Variants in DPP6 observed in about 807,000 individuals in gnomAD.
The protein encoded by DPP6 is A-type potassium channel modulatory protein DPP6.
DPP6 carries 69 observed loss-of-function variants against 122.6 expected under a neutral mutation model. The ratio of observed to expected loss-of-function variants is 0.56; its 90% CI spans 0.46 to 0.69. The LOEUF is 0.69. DPP6 is among the 30% of genes least tolerant of loss of function. The pLI is 0.00. For synonymous variants in DPP6, 418 were observed against 433.1 expected (o/e 0.97, Z 0.43); for missense variants, 928 against 1,116.9 (o/e 0.83, Z 2.41).
intron 1 of DPP6, among the ~76,000 whole-genome samples, chr7:154,230,008 T>A (rs896811283): frequency 2.0e-5 from 3 of 152,196 alleles, no homozygotes; most frequent in African/African-American, 4.8e-5. Context: ...ATAAAAAGAT[T>A]AGAGAAAAAA....
intron 1 of DPP6, among the ~76,000 whole-genome samples, chr7:154,394,181 T>A (rs1302737241): frequency 1.3e-5 from 2 of 152,178 alleles, no homozygotes; most frequent in African/African-American, 4.8e-5. Context: ...TGCCACAGCA[T>A]CTCTATCGTT....
the DPP6 span, among the ~76,000 whole-genome samples, chr7:153,808,829 G>T: frequency 6.6e-6 from 1 of 152,034 alleles, no homozygotes. Flanking sequence ...TGATTATTGT[G>T]AATAATAGTG....
chr7:154,011,655 G>A (rs1443576682), intron 1 of DPP6, among the ~76,000 whole-genome samples: 3 of 152,126 alleles, frequency 2.0e-5, no homozygotes, highest in African/African-American at 4.8e-5. Context: ...AGAAATATTT[G>A]TTTGGAAGCA....
rs1833430832 is a variant in DPP6 at position 154,602,140 on chromosome 7, T to G, written c.627+35224T>G. On this transcript the variant is annotated intron_variant, in intron 5 of 25. Transcript: ENST00000377770. ...TTCACTGTTGGATTAACAAGCTCTTTGTTTTACTTTTTAATGGTTGATCTA... is the reference window on the plus strand; with the variant it reads ...TTCACTGTTGGATTAACAAGCTCTTGGTTTTACTTTTTAATGGTTGATCTA... Among the ~76,000 whole-genome samples the G allele has an allele frequency of 3.3e-5, 4 of 120,984 alleles. 2 individuals are homozygous for G. The South Asian group carries it at 1.3e-3, about 40-fold the overall frequency. 79.4% of individuals were successfully genotyped at this position (120,984 alleles called of 152,430 possible).
chr7:154,630,993 T>C (rs1400762114), intron 5 of DPP6, among the ~76,000 whole-genome samples: 3 of 152,220 alleles, frequency 2.0e-5, no homozygotes, highest in African/African-American at 7.2e-5. Flanking sequence ...AAAAAGAATG[T>C]ATTTCATTTT....
At chr7:153,749,690 C>A in the DPP6 span, among the ~76,000 whole-genome samples, 5 of 152,184 alleles carry the variant, frequency 3.3e-5, no homozygotes, top group African/African-American at 1.2e-4. This position sits in a 1 kb window ranked among gnomAD's most constrained non-coding sequence, Gnocchi z 4.1. Context: ...CGCACGGATC[C>A]TGTGGGGCCC....
chr7:154,027,745 A>T (rs550729559), intron 1 of DPP6, among the ~76,000 whole-genome samples: 1 of 151,594 alleles, frequency 6.6e-6, no homozygotes, highest in Non-Finnish European at 1.5e-5. Context: ...GTTCTCGCTC[A>T]TCTGGGCAGG....
Position 154,275,917 on chromosome 7 carries a change from CAA to C in DPP6, c.244-170295_244-170294del, listed in dbSNP as rs1804098539. 2.6e-5 allele frequency among the ~76,000 whole-genome samples: 4 copies of C among 152,384 alleles called. 1 individual carries two copies. The South Asian group carries it at 8.3e-4, about 32-fold the overall frequency. On this transcript the variant is annotated intron_variant, in intron 1 of 25. Transcript: ENST00000377770. ...TGCACCAGCCCCTCCGGCTCCAAAT[CAA>C]ATAGCTCTGAATTCAGAATGCAATT...
At chr7:154,694,854 C>T (rs12719584) in intron 7 of DPP6, among the ~76,000 whole-genome samples, 20,075 of 152,030 alleles carry the variant, frequency 0.13, 1,418 homozygotes, top group African/African-American at 0.18. Flanking sequence ...ATGCTGTTGA[C>T]AAGGCTCTGG....
At chr7:154,243,066 TCATGTC>T (rs1194384791) in intron 1 of DPP6, among the ~76,000 whole-genome samples, 1 of 152,124 alleles carries the variant, frequency 6.6e-6, no homozygotes, top group East Asian at 1.9e-4. Flanking sequence ...TAGAATAAGT[TCATGTC>T]CATGAAAGGA....
chr7:154,431,534 CTTT>C lies in DPP6; in HGVS notation c.244-14665_244-14663del, dbSNP rs67861044. ...TCTTTTATTATTTCTTTCTTTCTTT[CTTT>C]TTTTTTTTTTTTTTGAGATGGAATC... On this transcript the variant is annotated intron_variant, in intron 1 of 25. Coordinates refer to ENST00000377770, the MANE Select transcript of DPP6 (RefSeq NM_130797.4). 8.4e-4 allele frequency among the ~76,000 whole-genome samples: 83 copies of C among 98,900 alleles called. 7 individuals carry two copies. Among genetic ancestry groups the C allele is most frequent in the Middle Eastern group, 9.5e-3 (2 of 210 alleles). The allele number at this position is 98,900 out of a possible 152,430, so 64.9% of individuals were successfully genotyped here.
chr7:154,308,292 G>GT (rs564362399), intron 1 of DPP6, among the ~76,000 whole-genome samples: 8 of 138,458 alleles, frequency 5.8e-5, no homozygotes, highest in East Asian at 2.0e-4. Context: ...AGAGATTGTT[G>GT]TTTTTTTTCT....
chr7:154,413,204 T>C (rs1816762761), intron 1 of DPP6, among the ~76,000 whole-genome samples: 1 of 152,226 alleles, frequency 6.6e-6, no homozygotes, highest in South Asian at 2.1e-4. Flanking sequence ...CTATCTTAAA[T>C]TCTTTTCCAG....
intron 1 of DPP6, among the ~76,000 whole-genome samples, chr7:154,219,870 A>G (rs1404340373): frequency 1.3e-5 from 2 of 152,098 alleles, no homozygotes; most frequent in African/African-American, 2.4e-5. Flanking sequence ...TGCAGTTGTG[A>G]GCCACTGTGC....
chr7:154,122,244 G>A lies in DPP6; in HGVS notation c.243+69181G>A, dbSNP rs555884498. Among the ~76,000 whole-genome samples, 5 of 152,270 alleles carry A rather than the reference G, an allele frequency of 3.3e-5. No individual in the cohort carries two copies. The South Asian group carries it at 1.0e-3, about 32-fold the overall frequency. ...GACGGATCACCACATCATCCCCTGTGCATTTGCATGTTGTGTACTGATCAG... is the reference window on the plus strand; with the variant it reads ...GACGGATCACCACATCATCCCCTGTACATTTGCATGTTGTGTACTGATCAG... On this transcript the variant is annotated intron_variant, in intron 1 of 25. Transcript: ENST00000377770.
At chr7:153,831,410 C>G in the DPP6 span, among the ~76,000 whole-genome samples, 1 of 152,124 alleles carries the variant, frequency 6.6e-6, no homozygotes, top group African/African-American at 2.4e-5. Context: ...AAATTGACAC[C>G]TGACCTGAAG....
intron 1 of DPP6, among the ~76,000 whole-genome samples, chr7:154,020,349 G>A (rs947891653): frequency 6.6e-6 from 1 of 151,460 alleles, no homozygotes; most frequent in African/African-American, 2.4e-5. Flanking sequence ...GGAGAGGGAA[G>A]TAGAAAGAAG....
At chr7:154,847,632 A>T (rs1802048952) in intron 16 of DPP6, among the ~76,000 whole-genome samples, 1 of 152,200 alleles carries the variant, frequency 6.6e-6, no homozygotes, top group Admixed American at 6.5e-5. Context: ...TAATTAACAT[A>T]TCTGTCACTT....
intron 2 of DPP6, among the ~76,000 whole-genome samples, chr7:154,469,256 C>T (rs1446695283): frequency 6.6e-6 from 1 of 152,186 alleles, no homozygotes; most frequent in Non-Finnish European, 1.5e-5. Flanking sequence ...CTTGTAGCTC[C>T]TCTAGCATCA....
Sources: allele counts gnomAD v4.1 joint callset (sites outside exome capture counted in the v4.1 genomes callset), GRCh38; gene constraint gnomAD v4.1.1; non-coding constraint Gnocchi (gnomAD v3.1); transcripts MANE v1.5; gene names NCBI Gene and HGNC (gene_info 2026-07-23, HGNC 2026-07-21).